The following CASP6 variants were observed in gnomAD, a reference collection of about 807,000 sequenced individuals.
CASP6 encodes the protein caspase 6, also known as caspase-6.
A neutral mutation model predicts 31.8 loss-of-function variants in CASP6; 20 were observed. That is an observed-to-expected ratio of 0.63 (90% confidence interval 0.44 to 0.91). The LOEUF (loss-of-function observed/expected upper bound fraction) is 0.91, where lower values mean the gene tolerates loss of function less well. Among genes scored for constraint, CASP6 ranks in the 40% least tolerant of loss-of-function variants. CASP6 has a pLI of 0.00. For missense variants in CASP6, 328 were observed against 361.1 expected (o/e 0.91, Z 0.74); for synonymous variants, 130 against 127.8 (o/e 1.02, Z -0.12).
At chr4:109,667,668 A>G in the CASP6 span, among the ~76,000 whole-genome samples, 1 of 149,820 alleles carries the variant, frequency 6.7e-6, no homozygotes, top group African/African-American at 2.4e-5. Flanking sequence ...ATATTCTACT[A>G]TATTTATTAT....
chr4:109,685,813 G>A (rs1729826021), downstream of CASP6, among the ~76,000 whole-genome samples: 1 of 152,108 alleles, frequency 6.6e-6, no homozygotes. Context: ...AAAAGTGAAG[G>A]AACCATGGTA....
chr4:109,670,837 A>G, the CASP6 span, among the ~76,000 whole-genome samples: 1 of 152,120 alleles, frequency 6.6e-6, no homozygotes, highest in African/African-American at 2.4e-5. Context: ...CACTGTATCT[A>G]GTAGAGCTCC....
intron 1 of CASP6, among the ~76,000 whole-genome samples, chr4:109,700,846 C>A (rs568540549): frequency 3.3e-5 from 5 of 152,166 alleles, no homozygotes; most frequent in Non-Finnish European, 7.3e-5. Flanking sequence ...TAAACTTTAC[C>A]CACAGATTGA....
chr4:109,689,620 T>G (rs1231829275), intron 6 of CASP6, 52 bp from the exon 7 acceptor site: 1 of 1,486,154 alleles, frequency 6.7e-7, no homozygotes, highest in East Asian at 2.3e-5. Context: ...TTTCAATTAC[T>G]GTGTGTATTC....
chr4:109,682,091 C>G, the CASP6 span, among the ~76,000 whole-genome samples: 95 of 152,118 alleles, frequency 6.2e-4, no homozygotes, highest in Middle Eastern at 3.4e-3. Context: ...GGGTGTGAGC[C>G]AAGTTGCAAG....
intron 4 of CASP6, among the ~76,000 whole-genome samples, chr4:109,696,019 G>A (rs566207211): frequency 5.8e-4 from 89 of 152,272 alleles, no homozygotes; most frequent in African/African-American, 2.1e-3. Context: ...ATTAAAGGAG[G>A]TAATGTATGT....
chr4:109,703,205 CAA>C (rs1341110985), intron 1 of CASP6, 149 bp downstream of exon 1: 1 of 864,276 alleles, frequency 1.2e-6, no homozygotes, highest in African/African-American at 1.7e-5. Context: ...CGCTTCAATC[CAA>C]GAGTGCAACT....
At chr4:109,685,981 A>G (rs531727235), downstream of CASP6, among the ~76,000 whole-genome samples, 1 of 152,318 alleles carries the variant, frequency 6.6e-6, no homozygotes, top group South Asian at 2.1e-4. Context: ...CAGTAATTTC[A>G]TAACAAAAAA....
At chr4:109,683,418 GTT>G in the CASP6 span, among the ~76,000 whole-genome samples, 1 of 151,754 alleles carries the variant, frequency 6.6e-6, no homozygotes, top group Non-Finnish European at 1.5e-5. Context: ...GACTTGTTTG[GTT>G]TTTTTTATCG....
At chr4:109,697,022 A>G (rs946812248) in intron 3 of CASP6, among the ~76,000 whole-genome samples, 4 of 151,700 alleles carry the variant, frequency 2.6e-5, no homozygotes, top group African/African-American at 9.7e-5. Context: ...TCCTGACCTT[A>G]TGATCCACCC....
chr4:109,679,406 G>A, the CASP6 span, among the ~76,000 whole-genome samples: 6,955 of 152,296 alleles, frequency 0.046, 565 homozygotes, highest in African/African-American at 0.16. Context: ...AGCACCTCGG[G>A]AGGCCGAGGC....
chr4:109,684,524 G>T, downstream of CASP6: 8 of 1,613,930 alleles, frequency 5.0e-6, no homozygotes, highest in Middle Eastern at 1.7e-4. Context: ...GTCCATTCAG[G>T]GTGGGGCACT....
At chr4:109,665,829 A>G in the CASP6 span, among the ~76,000 whole-genome samples, 3 of 151,908 alleles carry the variant, frequency 2.0e-5, no homozygotes, top group African/African-American at 7.3e-5. Context: ...GTGGGGGCGC[A>G]TGGTAGTAGG....
chr4:109,707,448 A>G (rs1195253994), upstream of CASP6, among the ~76,000 whole-genome samples: 2 of 148,230 alleles, frequency 1.3e-5, no homozygotes, highest in Non-Finnish European at 3.0e-5. Flanking sequence ...GTGCAATGGC[A>G]TGATCTCAGC....
At chr4:109,699,923 C>A (rs1287767538) in intron 1 of CASP6, among the ~76,000 whole-genome samples, 1 of 152,218 alleles carries the variant, frequency 6.6e-6, no homozygotes, top group Non-Finnish European at 1.5e-5. Flanking sequence ...ACAATAACTT[C>A]AAGAAAATTA....
At position 109,689,512 on chromosome 4, in the gene CASP6, C is replaced by T; in HGVS notation, c.700G>A (p.Glu234Lys). 6.2e-7 allele frequency: 1 copy of T among 1,614,194 alleles called. No homozygotes were observed. Among genetic ancestry groups the T allele is most frequent in the Non-Finnish European group, 8.5e-7 (1 of 1,180,038 alleles). ...NGSWYIQDLCEMLGKYGSSLE... is the reference protein window; with the variant it reads ...NGSWYIQDLCKMLGKYGSSLE... ...GAGGAGCCATATTTTCCCAACATCT[C>T]ACACAAATCTTGAATGTACCATGAG... The change falls in exon 7 of 7, where the codon GAG becomes AAG. Residue 234 changes from glutamate (E) to lysine (K), a missense_variant. By Grantham distance (56) the Glu-to-Lys change is moderately conservative (BLOSUM62 1). Transcript: ENST00000265164.
the CASP6 span, among the ~76,000 whole-genome samples, chr4:109,668,156 G>A: frequency 6.6e-5 from 10 of 152,084 alleles, no homozygotes; most frequent in Non-Finnish European, 1.2e-4. Context: ...TCAGTTGATT[G>A]GTGGTGCTAT....
chr4:109,702,372 G>C (rs868345802), intron 1 of CASP6, among the ~76,000 whole-genome samples: 58 of 143,350 alleles, frequency 4.0e-4, no homozygotes, highest in African/African-American at 1.5e-3. Context: ...CTCTGTCGCC[G>C]AGGTTGGAGT....
the CASP6 span, among the ~76,000 whole-genome samples, chr4:109,678,453 G>T: frequency 7.2e-6 from 1 of 139,492 alleles, no homozygotes; most frequent in East Asian, 2.2e-4. Flanking sequence ...GGCGGGCAGA[G>T]ACGCTCCTCA....
Sources: gnomAD v4.1 joint callset for allele counts (sites outside exome capture counted in the v4.1 genomes callset) on GRCh38, gnomAD v4.1.1 for gene constraint, MANE v1.5 for transcripts, NCBI Gene and HGNC (gene_info 2026-07-23, HGNC 2026-07-21) for gene names.